Variants in SLC1A2 observed in about 807,000 individuals in gnomAD.
SLC1A2 encodes the protein excitatory amino acid transporter 2.
Under a neutral mutation model 48.8 loss-of-function variants are expected in SLC1A2, and 15 were observed. That is an observed-to-expected ratio of 0.31 (90% CI 0.21 to 0.47). The LOEUF is 0.47. Ranked by LOEUF, SLC1A2 falls within the 20% of genes least tolerant of loss-of-function variation. SLC1A2 has a pLI of 0.99. For missense variants in SLC1A2, 502 were observed against 730.5 expected, an observed-to-expected ratio of 0.69 and a Z score of 3.61; for synonymous variants, 279 against 272.6, an observed-to-expected ratio of 1.02 and a Z score of -0.23.
In SLC1A2 at chr11:35,254,822, A is replaced by G. The variant is rs1158100842; in HGVS notation, c.*6072T>C. 4.4e-6 allele frequency: 2 copies of G among 455,900 alleles called. No individual in the cohort carries two copies. The highest frequency in any genetic ancestry group is 8.8e-6 in the Non-Finnish European group (2 of 226,866). The allele number at this position is 455,900 out of a possible 1,614,324, so 28.2% of individuals were successfully genotyped here. ...CACAAAAGGGCCCTGTGTAAAAACC[A>G]GAAGGATTTTGTAAAATATCAAAAT... On this transcript the variant is annotated 3_prime_UTR_variant, in exon 11 of 11. Transcript: ENST00000278379.
intron 1 of SLC1A2, among the ~76,000 whole-genome samples, chr11:35,344,233 C>A (rs866919760): frequency 6.6e-6 from 1 of 152,110 alleles, no homozygotes; most frequent in East Asian, 1.9e-4. Flanking sequence ...TAATAACAAA[C>A]AATGTCATAT....
chr11:35,322,793 C>T, intron 1 of SLC1A2: 1 of 729,608 alleles, frequency 1.4e-6, no homozygotes, highest in South Asian at 1.5e-5. Flanking sequence ...CACCAAGAAC[C>T]AGGAAGCAGA....
At chr11:35,362,001 G>T (rs1219742259) in intron 1 of SLC1A2, among the ~76,000 whole-genome samples, 1 of 152,096 alleles carries the variant, frequency 6.6e-6, no homozygotes, top group East Asian at 1.9e-4. Context: ...AATAATTAAA[G>T]ACTTTTGTCA....
In SLC1A2 at chr11:35,286,965, G is replaced by C. The variant is rs1422235558; in HGVS notation, c.1092-14C>G. 1 of 1,608,870 alleles carries C rather than the reference G, an allele frequency of 6.2e-7. No individual in the cohort carries two copies. Among genetic ancestry groups the C allele is most frequent in the Non-Finnish European group, 8.5e-7 (1 of 1,175,462 alleles). ...AAAGTTCCAGCACTGAGAACAAAGA[G>C]AAAGAGAGAGACAGGGTTATGTCCA... On this transcript the variant is annotated splice_polypyrimidine_tract_variant and intron_variant, in intron 7 of 10. Transcript: ENST00000278379.
rs768911101 is a variant in SLC1A2 at position 35,265,740 on chromosome 11, T to C, written c.1440A>G (p.Ser480=). The C allele has an allele frequency of 3.1e-6, 5 of 1,612,230 alleles. No homozygotes were observed. The Admixed American group carries it at 8.3e-5, about 27-fold the overall frequency. Residue 480 remains serine, a synonymous_variant, in exon 10 of 11, where the codon TCA becomes TCG. Transcript: ENST00000278379. The part of the protein sequence containing the change: ...VDWLLDRMRT[S]VNVVGDSFGA... ...CAAAAGAGTCACCCACAACATTGACTGAAGTTCTCATCCTGTCCCTGGGGA... is the reference window on the plus strand; with the variant it reads ...CAAAAGAGTCACCCACAACATTGACCGAAGTTCTCATCCTGTCCCTGGGGA...
rs1330755729 is a variant in SLC1A2 at position 35,257,959 on chromosome 11, T to C, written c.*2935A>G. On this transcript the variant is annotated 3_prime_UTR_variant, in exon 11 of 11. Transcript: ENST00000278379. The stretch of plus-strand genomic sequence containing the variant: ...TATATGTTGAACCAATTAGGATAAA[T>C]CTATACATATAATTGACAGGTTAAA... 1 of 152,224 alleles carries C rather than the reference T, an allele frequency of 6.6e-6. No homozygotes were observed. Among genetic ancestry groups the C allele is most frequent in the Non-Finnish European group, 1.5e-5 (1 of 68,038 alleles). The allele number at this position is 152,224 out of a possible 1,614,324, so 9.4% of individuals were successfully genotyped here.
intron 9 of SLC1A2, among the ~76,000 whole-genome samples, chr11:35,271,842 T>G (rs566101944): frequency 1.3e-5 from 2 of 152,084 alleles, no homozygotes; most frequent in African/African-American, 4.8e-5. Flanking sequence ...GACTCCATCT[T>G]AAAAAAGAAG....
intron 8 of SLC1A2, chr11:35,286,524 A>AT: frequency 5.4e-6 from 2 of 367,396 alleles, no homozygotes. Flanking sequence ...ATCAAATAAT[A>AT]TCCAATTTCT....
chr11:35,280,678 T>A (rs920828015), intron 9 of SLC1A2, 189 bp downstream of exon 9: 2 of 517,712 alleles, frequency 3.9e-6, no homozygotes, highest in African/African-American at 3.9e-5. Flanking sequence ...TGTGACGCCT[T>A]CAAATATTTC....
rs201632473 is a variant in SLC1A2, at chr11:35,353,043, CT to C, written c.18-35528del. 6.9e-3 allele frequency among the ~76,000 whole-genome samples: 1,046 copies of C among 151,294 alleles called. 12 individuals are homozygous for C. The highest frequency in any genetic ancestry group is 0.024 in the African/African-American group (977 of 41,220). ...CTTATGTCCTTGCTTCTAAGATAGG[CT>C]TTTTTTTTAAGATTTAACATTTCTG... On this transcript the variant is annotated intron_variant, in intron 1 of 10. Coordinates refer to ENST00000278379, the MANE Select transcript of SLC1A2 (RefSeq NM_004171.4).
At chr11:35,401,985 A>G (rs777060211) in intron 1 of SLC1A2, among the ~76,000 whole-genome samples, 2 of 151,442 alleles carry the variant, frequency 1.3e-5, no homozygotes, top group Non-Finnish European at 2.9e-5. Flanking sequence ...ACCTGAAACA[A>G]TCAGTTATAT....
intron 1 of SLC1A2, among the ~76,000 whole-genome samples, chr11:35,406,616 C>T (rs1257389427): frequency 6.6e-6 from 1 of 151,460 alleles, no homozygotes; most frequent in African/African-American, 2.4e-5. Flanking sequence ...AATTAGTAAG[C>T]TTGTAGGTTG....
At chr11:35,347,360 A>G (rs1853076598) in intron 1 of SLC1A2, among the ~76,000 whole-genome samples, 1 of 152,150 alleles carries the variant, frequency 6.6e-6, no homozygotes, top group Non-Finnish European at 1.5e-5. Context: ...GCTGTTTTGA[A>G]CCCCTGCTCC....
At chr11:35,410,018 A>C (rs1855412133) in intron 1 of SLC1A2, among the ~76,000 whole-genome samples, 1 of 151,284 alleles carries the variant, frequency 6.6e-6, no homozygotes, top group South Asian at 2.1e-4. Flanking sequence ...AAGGGCAGAC[A>C]AAAAAAAATG....
intron 1 of SLC1A2, among the ~76,000 whole-genome samples, chr11:35,413,240 C>T (rs1309131805): frequency 6.6e-6 from 1 of 152,172 alleles, no homozygotes; most frequent in African/African-American, 2.4e-5. Flanking sequence ...CCCCAGTTAA[C>T]CCCTGCCCTG....
rs560008768 is a variant in SLC1A2, at chr11:35,362,836, G to A, written c.18-45320C>T. On this transcript the variant is annotated intron_variant, in intron 1 of 10. Transcript: ENST00000278379. ...GCAGCCTGACTACATCCAACTTCTA[G>A]TTGCAGCATCTACTCCCCCTTTTGG... Among the ~76,000 whole-genome samples, 15 of 152,218 alleles carry A rather than the reference G, an allele frequency of 9.9e-5. No individual in the cohort carries two copies. The East Asian group carries it at 2.9e-3, about 29-fold the overall frequency.
chr11:35,267,155 G>C (rs1294243341), intron 9 of SLC1A2, among the ~76,000 whole-genome samples: 1 of 152,116 alleles, frequency 6.6e-6, no homozygotes, highest in African/African-American at 2.4e-5. Flanking sequence ...CACAAAATCG[G>C]GCACTTGGAA....
chr11:35,419,522 G>A lies in SLC1A2; in HGVS notation c.-556C>T, dbSNP rs928451273. On this transcript the variant is annotated 5_prime_UTR_variant, in exon 1 of 11. Coordinates refer to ENST00000278379, the MANE Select transcript of SLC1A2 (RefSeq NM_004171.4). This position sits in a 1 kb window ranked among gnomAD's most constrained non-coding sequence, Gnocchi z 5.4. ...CCGCCGGAGCTGGGGATTTGCAGGC[G>A]ATCCCTCTCTATTTTCGTCGAGAGC... The A allele has an allele frequency of 3.8e-5, 6 of 157,680 alleles. No homozygotes were observed. The highest frequency in any genetic ancestry group is 8.4e-5 in the Non-Finnish European group (6 of 71,550). The allele number at this position is 157,680 out of a possible 1,614,324, so 9.8% of individuals were successfully genotyped here.
intron 1 of SLC1A2, among the ~76,000 whole-genome samples, chr11:35,365,006 G>A (rs1853794425): frequency 6.6e-6 from 1 of 152,234 alleles, no homozygotes; most frequent in Non-Finnish European, 1.5e-5. Context: ...GCGTTTTAGA[G>A]TAAGACTGTG....
Sources: allele counts gnomAD v4.1 joint callset (sites outside exome capture counted in the v4.1 genomes callset), GRCh38; gene constraint gnomAD v4.1.1; non-coding constraint Gnocchi (gnomAD v3.1); transcripts MANE v1.5; gene names NCBI Gene and HGNC (gene_info 2026-07-23, HGNC 2026-07-21).